METTL15: variants seen among roughly 807,000 people sequenced by gnomAD.
METTL15 encodes the protein methyltransferase 15, mitochondrial 12S rRNA N4-cytidine.
METTL15 carries 34 observed loss-of-function variants against 38.3 expected under a neutral mutation model. The ratio of observed to expected loss-of-function variants is 0.89; its 90% CI spans 0.68 to 1.18. METTL15 has a LOEUF of 1.18. Ranked by LOEUF, METTL15 falls within the 50% of genes most tolerant of loss-of-function variation. The probability of loss-of-function intolerance (pLI) is 0.00; values close to 1 mark genes in which losing one functional copy is unlikely to be tolerated. For synonymous variants in METTL15, 162 were observed against 170.9 expected (o/e 0.95, Z 0.41); for missense variants, 438 against 498.4 (o/e 0.88, Z 1.15).
intron 5 of METTL15, among the ~76,000 whole-genome samples, chr11:28,370,995 T>C (rs1405397113): frequency 6.6e-6 from 1 of 152,078 alleles, no homozygotes; most frequent in Non-Finnish European, 1.5e-5. Context: ...TCCTCCCACT[T>C]TGTGGGTTGT....
rs544200131 is a variant in METTL15 at position 28,278,639 on chromosome 11, A to G, written c.408-11567A>G. On this transcript the variant is annotated intron_variant, in intron 4 of 6. Coordinates refer to ENST00000407364, the MANE Select transcript of METTL15 (RefSeq NM_001113528.2). ...AGTCTTACTATTCTAAGGCAATTAC[A>G]AAAGCTCTCTTCAGTCCTTACCTCT... Among the ~76,000 whole-genome samples the G allele has an allele frequency of 1.3e-4, 20 of 152,292 alleles. No homozygotes were observed. In the South Asian group the frequency reaches 2.3e-3, roughly 17 times the overall value.
At chr11:28,275,838 A>G (rs887723224) in intron 4 of METTL15, among the ~76,000 whole-genome samples, 1 of 152,126 alleles carries the variant, frequency 6.6e-6, no homozygotes, top group Admixed American at 6.5e-5. Flanking sequence ...AGAATGATGT[A>G]CAAAAGCCAT....
intron 5 of METTL15, among the ~76,000 whole-genome samples, chr11:28,400,367 T>A (rs903605950): frequency 6.6e-6 from 1 of 151,978 alleles, no homozygotes; most frequent in South Asian, 2.1e-4. Flanking sequence ...GTTATTAACA[T>A]GGAGGGGAGA....
intron 6 of METTL15, among the ~76,000 whole-genome samples, chr11:28,506,486 A>G (rs1395411672): frequency 6.6e-6 from 1 of 152,204 alleles, no homozygotes; most frequent in Non-Finnish European, 1.5e-5. Context: ...AAATGGCACA[A>G]AATAAGCACT....
intron 5 of METTL15, among the ~76,000 whole-genome samples, chr11:28,366,699 T>C (rs1296190405): frequency 2.0e-5 from 3 of 152,142 alleles, no homozygotes; most frequent in Non-Finnish European, 4.4e-5. Context: ...TTTGAGGCTA[T>C]ATAAAAGACA....
At chr11:28,137,795 T>A (rs1030192544) in intron 3 of METTL15, among the ~76,000 whole-genome samples, 1 of 152,172 alleles carries the variant, frequency 6.6e-6, no homozygotes, top group Non-Finnish European at 1.5e-5. Context: ...TTTATTTTTT[T>A]TTTTTCAAAA....
chr11:28,109,650 T>A (rs1373849359), intron 1 of METTL15, among the ~76,000 whole-genome samples: 3 of 152,240 alleles, frequency 2.0e-5, no homozygotes, highest in Admixed American at 2.0e-4. Context: ...AAAATATGCA[T>A]ATTTTGCCAG....
intron 6 of METTL15, among the ~76,000 whole-genome samples, chr11:28,457,725 G>A (rs1158934088): frequency 7.9e-5 from 12 of 152,280 alleles, no homozygotes; most frequent in South Asian, 2.1e-4. Context: ...CCCTTCTTAG[G>A]TGCTGTAAGG....
chr11:28,466,960 T>G (rs1286376923), intron 6 of METTL15, among the ~76,000 whole-genome samples: 5 of 152,216 alleles, frequency 3.3e-5, no homozygotes, highest in Non-Finnish European at 5.9e-5. Flanking sequence ...TTCTTTTGTT[T>G]GTTTGTTTTA....
intron 5 of METTL15, among the ~76,000 whole-genome samples, chr11:28,394,336 T>C (rs1850546097): frequency 6.6e-6 from 1 of 152,146 alleles, no homozygotes; most frequent in Admixed American, 6.6e-5. Context: ...AAAGCTTTCA[T>C]TCACAACACA....
chr11:28,509,222 T>A (rs1590398807), intron 6 of METTL15, among the ~76,000 whole-genome samples: 2 of 152,280 alleles, frequency 1.3e-5, no homozygotes, highest in Non-Finnish European at 2.9e-5. Flanking sequence ...GGAGAATAAA[T>A]CCCTTGGAGC....
intron 4 of METTL15, among the ~76,000 whole-genome samples, chr11:28,236,881 G>C (rs985708122): frequency 6.6e-6 from 1 of 152,146 alleles, no homozygotes; most frequent in Non-Finnish European, 1.5e-5. Context: ...GGCTGGATAT[G>C]AAATTCTGGG....
At chr11:28,335,643 C>T (rs1362081813), downstream of METTL15, among the ~76,000 whole-genome samples, 1 of 152,198 alleles carries the variant, frequency 6.6e-6, no homozygotes, top group East Asian at 1.9e-4. Flanking sequence ...TGGCTTAATG[C>T]TGTCCTCATA....
chr11:28,491,286 A>G (rs1348699218), intron 6 of METTL15, among the ~76,000 whole-genome samples: 7 of 152,182 alleles, frequency 4.6e-5, no homozygotes, highest in Non-Finnish European at 5.9e-5. Context: ...TGAATTAAAT[A>G]TTTAATGCTT....
intron 6 of METTL15, among the ~76,000 whole-genome samples, chr11:28,437,294 A>G (rs748316695): frequency 6.6e-5 from 10 of 152,296 alleles, no homozygotes; most frequent in Non-Finnish European, 1.5e-4. Flanking sequence ...TCATATCTAC[A>G]TATATCCTAT....
chr11:28,424,007 T>A (rs1019734517), intron 5 of METTL15, among the ~76,000 whole-genome samples: 2 of 152,180 alleles, frequency 1.3e-5, no homozygotes, highest in South Asian at 2.1e-4. Context: ...AACTTTTTTT[T>A]AAAAAACCCC....
At chr11:28,209,085 A>G (rs1852506503) in intron 3 of METTL15, among the ~76,000 whole-genome samples, 1 of 152,018 alleles carries the variant, frequency 6.6e-6, no homozygotes, top group African/African-American at 2.4e-5. Flanking sequence ...ACAAGGGCAT[A>G]ATCATGATAC....
At chr11:28,137,019 A>G (rs771317186) in intron 3 of METTL15, among the ~76,000 whole-genome samples, 3 of 141,006 alleles carry the variant, frequency 2.1e-5, no homozygotes, top group Admixed American at 7.4e-5. Flanking sequence ...GTCAACCCCA[A>G]TTTTTTGTTT....
intron 6 of METTL15, among the ~76,000 whole-genome samples, chr11:28,513,358 A>G (rs562170737): frequency 1.3e-5 from 2 of 152,322 alleles, no homozygotes; most frequent in South Asian, 2.1e-4. Context: ...ACCGGCTGCA[A>G]CGTCTTAGGA....
Sources: gnomAD v4.1 joint callset for allele counts (sites outside exome capture counted in the v4.1 genomes callset) on GRCh38, gnomAD v4.1.1 for gene constraint, MANE v1.5 for transcripts, NCBI Gene and HGNC (gene_info 2026-07-23, HGNC 2026-07-21) for gene names.